DAB1: variants seen among roughly 807,000 people sequenced by gnomAD.
The protein encoded by DAB1 is DAB adaptor protein 1, also known as disabled homolog 1.
Under a neutral mutation model 64.6 loss-of-function variants are expected in DAB1, and 15 were observed. The ratio of observed to expected loss-of-function variants is 0.23; its 90% CI spans 0.16 to 0.36. The LOEUF is 0.36. Among genes scored for constraint, DAB1 ranks in the 10% least tolerant of loss-of-function variants. The pLI is 1.00. For missense variants in DAB1, 596 were observed against 706.7 expected (o/e 0.84, Z 1.78); for synonymous variants, 235 against 251.9 (o/e 0.93, Z 0.64).
At chr1:57,239,263 A>G (rs755402730) in intron 2 of DAB1, among the ~76,000 whole-genome samples, 12 of 152,030 alleles carry the variant, frequency 7.9e-5, no homozygotes, top group Non-Finnish European at 1.2e-4. Context: ...AGAATCCACC[A>G]TTTGCCACAG....
At chr1:57,374,470 C>A (rs1180722377) in intron 1 of DAB1, among the ~76,000 whole-genome samples, 1 of 152,168 alleles carries the variant, frequency 6.6e-6, no homozygotes, top group African/African-American at 2.4e-5. Flanking sequence ...TAATACCATT[C>A]TATTAATATT....
At chr1:57,238,191 G>A (rs1668233206) in intron 2 of DAB1, among the ~76,000 whole-genome samples, 1 of 152,204 alleles carries the variant, frequency 6.6e-6, no homozygotes, top group South Asian at 2.1e-4. Context: ...GCATCCCCTG[G>A]AAGGTGTTAG....
At chr1:57,281,016 G>A (rs189893489) in intron 2 of DAB1, among the ~76,000 whole-genome samples, 1 of 152,310 alleles carries the variant, frequency 6.6e-6, no homozygotes, top group East Asian at 1.9e-4. Context: ...ACAGGGTGCT[G>A]TGAGACTCCT....
At chr1:58,205,628 A>G (rs183006935) in intron 4 of DAB1, among the ~76,000 whole-genome samples, 1 of 152,346 alleles carries the variant, frequency 6.6e-6, no homozygotes, top group Admixed American at 6.5e-5. Flanking sequence ...TTTGTAGCCG[A>G]GTGCTTTTGT....
intron 5 of DAB1, among the ~76,000 whole-genome samples, chr1:57,912,022 G>A (rs959886727): frequency 3.3e-4 from 51 of 152,240 alleles, no homozygotes; most frequent in African/African-American, 1.1e-3. Flanking sequence ...ACTGATATAC[G>A]TCCAGCGCAC....
At chr1:57,325,376 A>T (rs1676072892) in intron 1 of DAB1, among the ~76,000 whole-genome samples, 1 of 152,128 alleles carries the variant, frequency 6.6e-6, no homozygotes, top group Non-Finnish European at 1.5e-5. Flanking sequence ...TGGGGGTCAA[A>T]ACTCAGCCCC....
chr1:58,370,787 G>A (rs1644258837), intron 3 of DAB1, among the ~76,000 whole-genome samples: 1 of 152,090 alleles, frequency 6.6e-6, no homozygotes, highest in African/African-American at 2.4e-5. Context: ...TTTATCAGTG[G>A]CAGTTTCCCC....
intron 1 of DAB1, among the ~76,000 whole-genome samples, chr1:57,352,598 C>A (rs181654810): frequency 6.6e-6 from 1 of 151,934 alleles, no homozygotes; most frequent in Non-Finnish European, 1.5e-5. Context: ...GACCAAGAAA[C>A]CAAGGCATAG....
chr1:58,138,072 G>T (rs1327611522), intron 5 of DAB1, among the ~76,000 whole-genome samples: 1 of 151,980 alleles, frequency 6.6e-6, no homozygotes, highest in African/African-American at 2.4e-5. Context: ...GATGAATGTT[G>T]GCAAAAATTT....
At chr1:57,050,770 A>G (rs1309010193) in intron 9 of DAB1, among the ~76,000 whole-genome samples, 1 of 152,216 alleles carries the variant, frequency 6.6e-6, no homozygotes. Flanking sequence ...TGAGACCATG[A>G]CAATTCTAAA....
rs1417820498 is a variant in DAB1 at position 57,798,965 on chromosome 1, T to TCATG, written n.551+85030_551+85033dup. On this transcript the variant is annotated intron_variant and non_coding_transcript_variant, in intron 6 of 20. Transcript: ENST00000485760. ...GCTCCTCTCAGAAGGTCACCAGCTG[T>TCATG]CATGCAAGAAAATATTCAATAAGAT... Among the ~76,000 whole-genome samples, 11 of 152,330 alleles carry TCATG rather than the reference T, an allele frequency of 7.2e-5. No individual in the cohort carries two copies. The East Asian group carries it at 2.1e-3, about 29-fold the overall frequency.
chr1:57,015,097 C>G lies in DAB1; in HGVS notation c.1230G>C (p.Met410Ile), dbSNP rs766791551. The G allele has an allele frequency of 6.8e-6, 11 of 1,614,164 alleles. No individual in the cohort carries two copies. Among genetic ancestry groups the G allele is most frequent in the Non-Finnish European group, 9.3e-6 (11 of 1,180,038 alleles). Residue 410 changes from methionine (M) to isoleucine (I), a missense_variant, in exon 12 of 15, where the codon ATG becomes ATC. Coordinates refer to ENST00000371236, the MANE Select transcript of DAB1 (RefSeq NM_001365792.1). ...GGAAATCCTTAAACGTTTCTTTGCCCATTTTCTGCCTGGGCTTGTCGGTCT... is the reference window on the plus strand; with the variant it reads ...GGAAATCCTTAAACGTTTCTTTGCCGATTTTCTGCCTGGGCTTGTCGGTCT... ...SPQTDKPRQK[M>I]GKETFKDFQM... is the part of the protein sequence containing the mutation.
rs118166262 is a variant in DAB1 at position 58,428,742 on chromosome 1, G to A, written n.257+77318C>T. 2.8e-4 allele frequency among the ~76,000 whole-genome samples: 43 copies of A among 152,348 alleles called. No individual in the cohort carries two copies. In the East Asian group the frequency reaches 7.1e-3, roughly 25 times the overall value. ...TGGAAAGAGAGGAAAGTTGATGAGA[G>A]TAGAGTGCTAGAGCATGTACATTTA... On this transcript the variant is annotated intron_variant and non_coding_transcript_variant, in intron 3 of 20. Transcript: ENST00000485760.
chr1:57,007,404 A>G (rs1401985849), intron 14 of DAB1, among the ~76,000 whole-genome samples: 1 of 152,186 alleles, frequency 6.6e-6, no homozygotes, highest in Non-Finnish European at 1.5e-5. Context: ...AGTGAAGTAT[A>G]AATTACCTGC....
chr1:57,691,894 C>A (rs892445956), intron 6 of DAB1, among the ~76,000 whole-genome samples: 2 of 152,052 alleles, frequency 1.3e-5, no homozygotes, highest in Admixed American at 6.6e-5. Context: ...ACCTGTTGGG[C>A]AGTTAAAAGC....
chr1:57,457,856 G>A (rs1686654246), intron 7 of DAB1, among the ~76,000 whole-genome samples: 1 of 152,088 alleles, frequency 6.6e-6, no homozygotes, highest in Non-Finnish European at 1.5e-5. Context: ...GATTGTCCAA[G>A]GAGCCAATGA....
chr1:57,152,805 A>G (rs914582112), intron 2 of DAB1, among the ~76,000 whole-genome samples: 1 of 152,214 alleles, frequency 6.6e-6, no homozygotes, highest in Non-Finnish European at 1.5e-5. Context: ...TAGCAACATT[A>G]TGTGGTGGTT....
At chr1:57,680,097 C>T (rs1646618780) in intron 6 of DAB1, among the ~76,000 whole-genome samples, 1 of 152,210 alleles carries the variant, frequency 6.6e-6, no homozygotes, top group African/African-American at 2.4e-5. Flanking sequence ...TACGGTCTTA[C>T]AGTTTTTCAT....
At chr1:57,178,180 T>C (rs1210975085) in intron 2 of DAB1, among the ~76,000 whole-genome samples, 7 of 152,044 alleles carry the variant, frequency 4.6e-5, no homozygotes. Flanking sequence ...CTGGGAATAT[T>C]GGTAATATAT....
Sources: gnomAD v4.1 joint callset for allele counts (sites outside exome capture counted in the v4.1 genomes callset) on GRCh38, gnomAD v4.1.1 for gene constraint, MANE v1.5 for transcripts, NCBI Gene and HGNC (gene_info 2026-07-23, HGNC 2026-07-21) for gene names.